The following GPR137C variants were observed in gnomAD, a reference collection of about 807,000 sequenced individuals.
GPR137C encodes integral membrane protein GPR137C.
Under a neutral mutation model 43.4 loss-of-function variants are expected in GPR137C, and 27 were observed. The observed-to-expected ratio is 0.62, with a 90% CI of 0.46 to 0.86. GPR137C has a LOEUF of 0.86. Ranked by LOEUF, GPR137C falls within the 40% of genes least tolerant of loss-of-function variation. GPR137C has a pLI of 0.00. For synonymous variants in GPR137C, 285 were observed against 226.9 expected, an observed-to-expected ratio of 1.26 and a Z score of -2.30; for missense variants, 522 against 534.6, an observed-to-expected ratio of 0.98 and a Z score of 0.23.
rs185620828 is a variant in GPR137C, at chr14:52,594,335, T to A, written c.445-3937T>A. ...GATGGAGAGTTCTGTAGATGTCTAT[T>A]AGGTCTGCTTGGTGCAGAGCTGAAT... On this transcript the variant is annotated intron_variant, in intron 1 of 6. Coordinates refer to ENST00000321662, the MANE Select transcript of GPR137C (RefSeq NM_001099652.2). 3.3e-3 allele frequency among the ~76,000 whole-genome samples: 507 copies of A among 152,338 alleles called. 2 individuals carry two copies. The highest frequency in any genetic ancestry group is 6.8e-3 in the Middle Eastern group (2 of 294).
chr14:52,615,308 T>C (rs2039086379), intron 3 of GPR137C, among the ~76,000 whole-genome samples: 1 of 152,148 alleles, frequency 6.6e-6, no homozygotes, highest in South Asian at 2.1e-4. Flanking sequence ...GTCCTACTGG[T>C]TTATGTGTCT....
intron 3 of GPR137C, among the ~76,000 whole-genome samples, chr14:52,607,874 CAA>C (rs1196369084): frequency 8.2e-5 from 10 of 122,408 alleles, no homozygotes; most frequent in Non-Finnish European, 7.0e-5. Context: ...GACTCTGTCT[CAA>C]AAAAAAAAAA....
intron 3 of GPR137C, chr14:52,611,660 G>A (rs953423299): frequency 5.5e-6 from 3 of 545,946 alleles, no homozygotes; most frequent in African/African-American, 2.0e-5. Context: ...GGATATAAAT[G>A]TATTTATTTC....
chr14:52,557,482 T>C (rs950423014), intron 1 of GPR137C, among the ~76,000 whole-genome samples: 1 of 152,224 alleles, frequency 6.6e-6, no homozygotes, highest in African/African-American at 2.4e-5. Context: ...GAGTCTCATA[T>C]CCTGAGTCAG....
chr14:52,568,759 G>A (rs2038414817), intron 1 of GPR137C, among the ~76,000 whole-genome samples: 1 of 152,236 alleles, frequency 6.6e-6, no homozygotes, highest in Non-Finnish European at 1.5e-5. Context: ...TCCTCTCTGA[G>A]CAGGGCATCT....
intron 1 of GPR137C, among the ~76,000 whole-genome samples, chr14:52,577,377 TA>T (rs970913383): frequency 6.6e-6 from 1 of 151,524 alleles, no homozygotes; most frequent in Non-Finnish European, 1.5e-5. Flanking sequence ...AATGTCTACA[TA>T]AAAAAGTCAT....
chr14:52,574,542 A>G (rs1388375802), intron 1 of GPR137C, among the ~76,000 whole-genome samples: 2 of 152,170 alleles, frequency 1.3e-5, no homozygotes, highest in African/African-American at 4.8e-5. Flanking sequence ...GGCGGGGAAC[A>G]TCACACACCG....
At chr14:52,609,972 C>T (rs2039021234) in intron 3 of GPR137C, among the ~76,000 whole-genome samples, 1 of 152,188 alleles carries the variant, frequency 6.6e-6, no homozygotes, top group African/African-American at 2.4e-5. Flanking sequence ...CTTCTCACCG[C>T]AAAACATACA....
chr14:52,618,634 T>C (rs1351469519), intron 3 of GPR137C, among the ~76,000 whole-genome samples: 1 of 152,170 alleles, frequency 6.6e-6, no homozygotes, highest in Non-Finnish European at 1.5e-5. Flanking sequence ...TATAAATCAA[T>C]GAAGTAAATA....
At chr14:52,560,508 AACT>A (rs2038265599) in intron 1 of GPR137C, among the ~76,000 whole-genome samples, 1 of 152,206 alleles carries the variant, frequency 6.6e-6, no homozygotes, top group Admixed American at 6.5e-5. Context: ...CTTGAAGAGT[AACT>A]GTAAAGCTAC....
Position 52,564,902 on chromosome 14 carries a change from T to C in GPR137C, c.444+11311T>C, listed in dbSNP as rs1010146141. ...GAATTTGGTCTACCCTTTTCTTCCT[T>C]CTCTTTTCCCACTTATCTACCTCCT... On this transcript the variant is annotated intron_variant, in intron 1 of 6. Transcript: ENST00000321662. Among the ~76,000 whole-genome samples, 8 of 151,938 alleles carry C rather than the reference T, an allele frequency of 5.3e-5. No homozygotes were observed. The East Asian group carries it at 1.6e-3, about 30-fold the overall frequency.
At chr14:52,623,413 A>G (rs960278013) in intron 3 of GPR137C, among the ~76,000 whole-genome samples, 16 of 152,164 alleles carry the variant, frequency 1.1e-4, no homozygotes, top group African/African-American at 3.4e-4. Flanking sequence ...CGATATAATA[A>G]CTTAGCCTTT....
intron 3 of GPR137C, among the ~76,000 whole-genome samples, chr14:52,610,508 A>G (rs2039027312): frequency 6.6e-6 from 1 of 152,206 alleles, no homozygotes; most frequent in East Asian, 1.9e-4. Context: ...TAATTATTCC[A>G]TTTATTACTA....
chr14:52,591,143 CCTGCAAAGGACAGGAACTCATT>C (rs1261061659), intron 1 of GPR137C, among the ~76,000 whole-genome samples: 1 of 152,130 alleles, frequency 6.6e-6, no homozygotes, highest in Non-Finnish European at 1.5e-5. Context: ...CACCCATGTC[CCTGCAAAGGACAGGAACTCATT>C]CTTTTTTATG....
Position 52,635,127 on chromosome 14 carries a change from A to G in GPR137C, c.*12A>G. ...CACCACAAAACTGACAGCATCACCA[A>G]GTCATGATTCTTGAGTTGTTTTTCA... On this transcript the variant is annotated 3_prime_UTR_variant, in exon 7 of 7. Coordinates refer to ENST00000321662, the MANE Select transcript of GPR137C (RefSeq NM_001099652.2). 6.5e-7 allele frequency: 1 copy of G among 1,541,016 alleles called. No homozygotes were observed. Among genetic ancestry groups the G allele is most frequent in the South Asian group, 1.3e-5 (1 of 79,640 alleles).
At chr14:52,598,245 A>G in intron 1 of GPR137C, 27 bp from the exon 2 acceptor site, 1 of 1,052,784 alleles carries the variant, frequency 9.5e-7, no homozygotes, top group Non-Finnish European at 1.4e-6. Flanking sequence ...ACGTTTTCAA[A>G]ATTTTTTTTT....
chr14:52,575,422 A>T (rs2038536110), intron 1 of GPR137C, among the ~76,000 whole-genome samples: 1 of 152,170 alleles, frequency 6.6e-6, no homozygotes, highest in South Asian at 2.1e-4. Flanking sequence ...AATATAAAAA[A>T]TACTTTTAGT....
intron 3 of GPR137C, among the ~76,000 whole-genome samples, chr14:52,607,558 C>A (rs1402302264): frequency 4.6e-5 from 7 of 152,088 alleles, no homozygotes; most frequent in Admixed American, 4.6e-4. Context: ...ACGTTTGTGT[C>A]TTTTTACAAT....
intron 1 of GPR137C, among the ~76,000 whole-genome samples, chr14:52,578,815 G>C (rs912949192): frequency 6.6e-6 from 1 of 152,080 alleles, no homozygotes; most frequent in Non-Finnish European, 1.5e-5. Context: ...GTGGTGGCAC[G>C]TGCCTTTAGT....
Sources: gnomAD v4.1 joint callset for allele counts (sites outside exome capture counted in the v4.1 genomes callset) on GRCh38, gnomAD v4.1.1 for gene constraint, MANE v1.5 for transcripts, NCBI Gene and HGNC (gene_info 2026-07-23, HGNC 2026-07-21) for gene names.